The following TRIM40 variants were observed in gnomAD, a reference collection of about 807,000 sequenced individuals.
TRIM40 encodes the protein tripartite motif containing 40.
TRIM40 carries 27 observed loss-of-function variants against 26.1 expected under a neutral mutation model. The ratio of observed to expected loss-of-function variants is 1.04; its 90% CI spans 0.76 to 1.43. TRIM40 has a LOEUF of 1.43. Among genes scored for constraint, TRIM40 ranks in the 40% most tolerant of loss-of-function variants. The pLI is 0.00. For missense variants in TRIM40, 289 were observed against 307.9 expected, an observed-to-expected ratio of 0.94 and a Z score of 0.46; for synonymous variants, 114 against 120.0, an observed-to-expected ratio of 0.95 and a Z score of 0.33.
chr6:30,138,643 C>G (rs58881669), intron 2 of TRIM40, among the ~76,000 whole-genome samples: 2 of 152,098 alleles, frequency 1.3e-5, no homozygotes, highest in African/African-American at 4.8e-5. Context: ...TTTCAGAATT[C>G]GTGCAGATAT....
Position 30,137,194 on chromosome 6 carries a change from GC to G in TRIM40, c.163del (p.Leu55SerfsTer11). The G allele has an allele frequency of 6.2e-7, 1 of 1,613,042 alleles. No homozygotes were observed. On this transcript the variant is annotated frameshift_variant, in exon 2 of 6. Transcript: ENST00000396581. LOFTEE classifies it high-confidence loss of function. ...EKASASGVFC[C>X]PLCRKPCSEE... ...GCCTCAGCCTCTGGGGTCTTCTGCT[GC>G]CCCCTCTGCCGGAAGCCCTGTTCTG...
intron 2 of TRIM40, among the ~76,000 whole-genome samples, chr6:30,144,082 C>A (rs1268976277): frequency 6.7e-6 from 1 of 150,202 alleles, no homozygotes; most frequent in Admixed American, 6.7e-5. Context: ...AAGCAGAGAG[C>A]AATGTTGTGT....
chr6:30,147,383 G>A (rs113100430), intron 4 of TRIM40, 137 bp from the exon 5 acceptor site: 27,623 of 1,415,642 alleles, frequency 0.02, 455 homozygotes, highest in Middle Eastern at 0.072. Context: ...AATGGGCACA[G>A]AAGAGGGGTG....
intron 3 of TRIM40, 100 bp downstream of exon 3, chr6:30,146,189 T>G: frequency 9.9e-7 from 1 of 1,014,988 alleles, no homozygotes; most frequent in Non-Finnish European, 1.5e-6. Context: ...CAGCCTGATG[T>G]GGGCAGATGG....
intron 2 of TRIM40, among the ~76,000 whole-genome samples, chr6:30,145,105 G>C (rs1465982814): frequency 6.6e-6 from 1 of 151,824 alleles, no homozygotes. Flanking sequence ...CTTTGACCTT[G>C]ATTTCACCAG....
chr6:30,138,066 T>TACACACAC (rs9278588), intron 2 of TRIM40, among the ~76,000 whole-genome samples: 1 of 112,440 alleles, frequency 8.9e-6, no homozygotes, highest in Non-Finnish European at 2.2e-5. Flanking sequence ...AATGCACTCT[T>TACACACAC]ACACACACAC....
intron 2 of TRIM40, among the ~76,000 whole-genome samples, chr6:30,140,578 G>C (rs994898507): frequency 6.6e-6 from 1 of 152,130 alleles, no homozygotes; most frequent in Non-Finnish European, 1.5e-5. Context: ...GAGGGGATGG[G>C]GGGTAGGGGA....
chr6:30,138,984 G>A (rs1006162523), intron 2 of TRIM40, among the ~76,000 whole-genome samples: 1 of 152,224 alleles, frequency 6.6e-6, no homozygotes, highest in Non-Finnish European at 1.5e-5. Flanking sequence ...AGAGTGGGGA[G>A]GGATTCCTCA....
chr6:30,147,201 A>G lies in TRIM40; in HGVS notation c.658A>G (p.Thr220Ala). The change falls in exon 4 of 6, where the codon ACA becomes GCA. Residue 220 changes from threonine to alanine, a missense_variant. Thr to Ala is a moderately conservative substitution (Grantham distance 58). Transcript: ENST00000396581. ...ERTAKELDTNTLKNAGDLLNR... is the reference protein window; with the variant it reads ...ERTAKELDTNALKNAGDLLNR... The stretch of plus-strand genomic sequence containing the variant: ...GACGGCCAAGGAATTAGACACCAAC[A>G]CACTGAAGGTGCATACCCTGAGGCC... 3 of 1,614,198 alleles carry G rather than the reference A, an allele frequency of 1.9e-6. No homozygotes were observed. Among genetic ancestry groups the G allele is most frequent in the Non-Finnish European group, 2.5e-6 (3 of 1,180,022 alleles).
chr6:30,146,536 C>T (rs1470355273), intron 3 of TRIM40, among the ~76,000 whole-genome samples: 2 of 152,082 alleles, frequency 1.3e-5, no homozygotes, highest in African/African-American at 4.8e-5. Flanking sequence ...CTCAGCCTCC[C>T]GAGTACTGGG....
At chr6:30,146,604 G>C (rs991926664) in intron 3 of TRIM40, among the ~76,000 whole-genome samples, 1 of 152,014 alleles carries the variant, frequency 6.6e-6, no homozygotes, top group African/African-American at 2.4e-5. Context: ...GTAGAGATGG[G>C]GTTTCACCAT....
chr6:30,147,233 A>G (rs777531316), intron 4 of TRIM40, 24 bp downstream of exon 4: 4 of 1,613,184 alleles, frequency 2.5e-6, no homozygotes, highest in East Asian at 4.5e-5. Flanking sequence ...GGCCTTCCCC[A>G]AGGGCTGGGA....
At position 30,147,906 on chromosome 6, in the gene TRIM40, G is replaced by C. The variant is rs1771772059; in HGVS notation, c.*94G>C. 1 of 1,054,776 alleles carries C rather than the reference G, an allele frequency of 9.5e-7. No homozygotes were observed. The highest frequency in any genetic ancestry group is 1.6e-5 in the African/African-American group (1 of 63,568). 65.3% of individuals were successfully genotyped at this position (1,054,776 alleles called of 1,614,324 possible). ...TCCAGGCCCCCACTGGGTCTACCCA[G>C]TGCATCTTCGGGCCTGCCAGCTCCT... On this transcript the variant is annotated 3_prime_UTR_variant, in exon 6 of 6. Transcript: ENST00000396581.
chr6:30,140,010 A>C (rs1771252088), intron 2 of TRIM40, among the ~76,000 whole-genome samples: 1 of 152,206 alleles, frequency 6.6e-6, no homozygotes, highest in African/African-American at 2.4e-5. Flanking sequence ...GCAAATCAAA[A>C]CCACAATGAG....
chr6:30,147,618 G>C (rs1224048519), intron 5 of TRIM40, 76 bp downstream of exon 5: 3 of 1,612,688 alleles, frequency 1.9e-6, no homozygotes, highest in Non-Finnish European at 1.7e-6. Flanking sequence ...AGGTCAAGGA[G>C]ACCCACTGCT....
Position 30,148,179 on chromosome 6 carries a change from G to T in TRIM40, c.*367G>T. On this transcript the variant is annotated 3_prime_UTR_variant, in exon 6 of 6. Coordinates refer to ENST00000396581, the MANE Select transcript of TRIM40 (RefSeq NM_001286633.2). ...GCCTCTGAATGGCCCGAGCTCATCA[G>T]CAGTGACACCACCTCACATGTGGAG... 3.2e-6 allele frequency: 1 copy of T among 309,296 alleles called. No homozygotes were observed. The highest frequency in any genetic ancestry group is 9.8e-4 in the Middle Eastern group (1 of 1,018). 19.2% of individuals were successfully genotyped at this position (309,296 alleles called of 1,614,324 possible).
In TRIM40 at chr6:30,142,109, T is replaced by C. The variant is rs145259137; in HGVS notation, c.346-3885T>C. On this transcript the variant is annotated intron_variant, in intron 2 of 5. Transcript: ENST00000396581. ...ATTTTGAAATTAAGGAGGGTTTTTT[T>C]TTACTGATTTTTTCACCATATCTCT... Among the ~76,000 whole-genome samples, 1,321 of 152,178 alleles carry C rather than the reference T, an allele frequency of 8.7e-3. 8 individuals are homozygous for C. Among genetic ancestry groups the C allele is most frequent in the Middle Eastern group, 0.027 (8 of 294 alleles).
chr6:30,137,212 C>A lies in TRIM40; in HGVS notation c.176C>A (p.Pro59His), dbSNP rs113286964. The A allele has an allele frequency of 7.0e-3, 11,303 of 1,613,042 alleles. 122 individuals carry two copies. The highest frequency in any genetic ancestry group is 0.043 in the Middle Eastern group (263 of 6,062). The part of the protein sequence containing the change: ...GVFCCPLCRK[P>H]CSEEVLGTGY... ...TTCTGCTGCCCCCTCTGCCGGAAGC[C>A]CTGTTCTGAGGAGGTGCTAGGGACA... Residue 59 changes from proline (P) to histidine (H), a missense_variant, in exon 2 of 6, where the codon CCC becomes CAC. Coordinates refer to ENST00000396581, the MANE Select transcript of TRIM40 (RefSeq NM_001286633.2).
intron 2 of TRIM40, among the ~76,000 whole-genome samples, chr6:30,144,225 G>A (rs1771517403): frequency 6.6e-6 from 1 of 152,120 alleles, no homozygotes; most frequent in East Asian, 1.9e-4. Context: ...ATTTTGAAGG[G>A]AGGACTAACA....
Sources: gnomAD v4.1 joint callset for allele counts (sites outside exome capture counted in the v4.1 genomes callset) on GRCh38, gnomAD v4.1.1 for gene constraint, MANE v1.5 for transcripts, NCBI Gene and HGNC (gene_info 2026-07-23, HGNC 2026-07-21) for gene names.